Variants in DOCK3 observed in about 807,000 individuals in gnomAD.
DOCK3 encodes dedicator of cytokinesis 3.
Under a neutral mutation model 265.6 loss-of-function variants are expected in DOCK3, and 60 were observed. The ratio of observed to expected loss-of-function variants is 0.23; its 90% CI spans 0.18 to 0.28. DOCK3 has a LOEUF of 0.28. Among genes scored for constraint, DOCK3 ranks in the 10% least tolerant of loss-of-function variants. The pLI is 1.00. For synonymous variants in DOCK3, 881 were observed against 938.0 expected, an observed-to-expected ratio of 0.94 and a Z score of 1.11; for missense variants, 1,981 against 2,594.3, an observed-to-expected ratio of 0.76 and a Z score of 5.14.
chr3:50,888,892 CT>C (rs970119786), intron 3 of DOCK3, among the ~76,000 whole-genome samples: 2 of 151,908 alleles, frequency 1.3e-5, no homozygotes, highest in East Asian at 3.9e-4. Context: ...GACTTAAATC[CT>C]TTTTTTAAGT....
At position 51,061,947 on chromosome 3, in the gene DOCK3, TTACTC is replaced by T. The variant is rs543451348; in HGVS notation, c.316-2499_316-2495del. Reference sequence around the variant, plus strand: ...CAGGCCACAAAACAAGAGTGATACTTTACTCTGTTCATAACCCACATCTAGTCCGT... The same window carrying T: ...CAGGCCACAAAACAAGAGTGATACTTTGTTCATAACCCACATCTAGTCCGT... On this transcript the variant is annotated intron_variant, in intron 5 of 52. Transcript: ENST00000266037. 8.1e-4 allele frequency among the ~76,000 whole-genome samples: 123 copies of T among 152,246 alleles called. 3 individuals are homozygous for T. The South Asian group carries it at 0.025, about 31-fold the overall frequency.
chr3:51,081,536 G>C (rs1576001569), intron 7 of DOCK3, among the ~76,000 whole-genome samples: 1 of 152,164 alleles, frequency 6.6e-6, no homozygotes, highest in Non-Finnish European at 1.5e-5. Context: ...CTGTGAGGTT[G>C]AGTTAGGCAT....
At chr3:50,715,850 G>A (rs979795980) in intron 1 of DOCK3, among the ~76,000 whole-genome samples, 1 of 151,970 alleles carries the variant, frequency 6.6e-6, no homozygotes. Context: ...TGTTAAGGAG[G>A]ATATTTTAAC....
chr3:50,907,025 T>C (rs1188569428), intron 4 of DOCK3, among the ~76,000 whole-genome samples: 1 of 152,088 alleles, frequency 6.6e-6, no homozygotes, highest in Non-Finnish European at 1.5e-5. Context: ...CCAGTAGTCA[T>C]TCAGGAGCAG....
At chr3:50,825,974 A>G (rs2044735345) in intron 2 of DOCK3, among the ~76,000 whole-genome samples, 1 of 150,714 alleles carries the variant, frequency 6.6e-6, no homozygotes, top group Non-Finnish European at 1.5e-5. Flanking sequence ...TTTTTTAATC[A>G]CAGTGGCAGA....
intron 1 of DOCK3, among the ~76,000 whole-genome samples, chr3:50,775,641 T>C (rs779527760): frequency 2.0e-5 from 3 of 152,112 alleles, no homozygotes; most frequent in Admixed American, 6.6e-5. Context: ...GGTTTTGGTT[T>C]CATGGATGAG....
intron 3 of DOCK3, among the ~76,000 whole-genome samples, chr3:50,848,261 C>T (rs1449980571): frequency 6.6e-6 from 1 of 152,112 alleles, no homozygotes; most frequent in African/African-American, 2.4e-5. Flanking sequence ...CAACTTGCTA[C>T]TCTTTGCCTT....
At position 51,312,460 on chromosome 3, in the gene DOCK3, TTC is replaced by T. The variant is rs573229880; in HGVS notation, c.3094-12_3094-11del. On this transcript the variant is annotated splice_polypyrimidine_tract_variant and intron_variant, in intron 29 of 52. Coordinates refer to ENST00000266037, the MANE Select transcript of DOCK3 (RefSeq NM_004947.5). ...GTTCTTAGACTGTCACATTTTCTCT[TTC>T]TCTGTCTGTCTAGGTGTGGAATTCT... is the stretch of plus-strand genomic sequence containing the variant. 4.5e-4 allele frequency: 730 copies of T among 1,609,212 alleles called. 6 individuals are homozygous for T. In the African/African-American group the frequency reaches 8.1e-3, roughly 18 times the overall value.
At chr3:50,983,547 G>C (rs983985442) in intron 5 of DOCK3, among the ~76,000 whole-genome samples, 11 of 152,128 alleles carry the variant, frequency 7.2e-5, no homozygotes, top group African/African-American at 2.2e-4. Context: ...AGTCAGGATA[G>C]CCTGCCTAGC....
Position 51,236,428 on chromosome 3 carries a change from G to C in DOCK3, c.2001G>C (p.Leu667=). Residue 667 remains leucine (L), a splice_region_variant and synonymous_variant, in exon 20 of 53, where the codon CTG becomes CTC. Coordinates refer to ENST00000266037, the MANE Select transcript of DOCK3 (RefSeq NM_004947.5). ...EKYGLLVFQS[L]VFIINLLRDI... ...ACGGCCTGTTGGTTTTTCAGTCTCTGGTAAGTCACCTTCCTGACTCTTTAC... is the reference window on the plus strand; with the variant it reads ...ACGGCCTGTTGGTTTTTCAGTCTCTCGTAAGTCACCTTCCTGACTCTTTAC... 6 of 1,607,114 alleles carry C rather than the reference G, an allele frequency of 3.7e-6. No individual in the cohort carries two copies. Among genetic ancestry groups the C allele is most frequent in the Non-Finnish European group, 5.1e-6 (6 of 1,177,734 alleles).
At chr3:50,855,560 T>C (rs2046549478) in intron 3 of DOCK3, among the ~76,000 whole-genome samples, 1 of 152,178 alleles carries the variant, frequency 6.6e-6, no homozygotes, top group South Asian at 2.1e-4. Flanking sequence ...AGGAGACTTC[T>C]GGAGGAATCT....
intron 9 of DOCK3, among the ~76,000 whole-genome samples, chr3:51,121,943 A>C (rs987367613): frequency 6.6e-6 from 1 of 152,202 alleles, no homozygotes; most frequent in Non-Finnish European, 1.5e-5. Flanking sequence ...CAGGATTAGC[A>C]TGAGATGGAA....
chr3:50,787,001 G>T, intron 2 of DOCK3: 1 of 741,946 alleles, frequency 1.3e-6, no homozygotes, highest in Non-Finnish European at 2.5e-6. Context: ...ATGAGCCATG[G>T]CATAGAATTT....
At chr3:50,914,625 G>C (rs1162686852) in intron 4 of DOCK3, among the ~76,000 whole-genome samples, 1 of 152,100 alleles carries the variant, frequency 6.6e-6, no homozygotes, top group Non-Finnish European at 1.5e-5. Context: ...GTCTATTCTG[G>C]AGAATGTTTC....
At chr3:50,991,294 A>G (rs1308305180) in intron 5 of DOCK3, among the ~76,000 whole-genome samples, 1 of 152,242 alleles carries the variant, frequency 6.6e-6, no homozygotes, top group Non-Finnish European at 1.5e-5. Flanking sequence ...CTTAAAAGGC[A>G]GAGTGGCAAG....
At chr3:50,804,730 AGAGAGAGGGAGAGAGAGACCGTG>A (rs1185677735) in intron 2 of DOCK3, among the ~76,000 whole-genome samples, 3 of 148,082 alleles carry the variant, frequency 2.0e-5, no homozygotes, top group African/African-American at 7.5e-5. Flanking sequence ...GAGACCGTGG[AGAGAGAGGGAGAGAGAGACCGTG>A]GGGAGAGGGA....
rs1475759165 is a variant in DOCK3 at position 51,214,122 on chromosome 3, G to T, written c.1127G>T (p.Gly376Val). ...AKYSAPSASHGLIISLQLLRG... is the reference protein window; with the variant it reads ...AKYSAPSASHVLIISLQLLRG... ...TAAGAAAATGCTTTTGTTTTTGCAG[G>T]TCTTATCATTTCTCTGCAGCTTCTT... Residue 376 changes from glycine (G) to valine (V), a missense_variant and splice_region_variant, in exon 14 of 53, where the codon GGT becomes GTT. Transcript: ENST00000266037. 1.2e-6 allele frequency: 2 copies of T among 1,613,668 alleles called. No homozygotes were observed. Among genetic ancestry groups the T allele is most frequent in the East Asian group, 4.5e-5 (2 of 44,874 alleles).
chr3:50,762,095 G>A (rs1208294244), intron 1 of DOCK3, among the ~76,000 whole-genome samples: 6 of 152,042 alleles, frequency 3.9e-5, no homozygotes, highest in East Asian at 3.9e-4. Flanking sequence ...ATCACACACC[G>A]GGGCCTGTTG....
chr3:50,882,348 C>T (rs985712108), intron 3 of DOCK3, among the ~76,000 whole-genome samples: 6 of 152,068 alleles, frequency 3.9e-5, no homozygotes, highest in Admixed American at 3.3e-4. Context: ...AATGGGAGAA[C>T]AGTTTTACAA....
Sources: allele counts gnomAD v4.1 joint callset (sites outside exome capture counted in the v4.1 genomes callset), GRCh38; gene constraint gnomAD v4.1.1; transcripts MANE v1.5; gene names NCBI Gene and HGNC (gene_info 2026-07-23, HGNC 2026-07-21).